Variants in KIAA0825 observed in about 807,000 individuals in gnomAD.
KIAA0825 encodes uncharacterized protein KIAA0825.
KIAA0825 carries 119 observed loss-of-function variants against 147.6 expected under a neutral mutation model. That is an observed-to-expected ratio of 0.81 (90% CI 0.69 to 0.94). The LOEUF is 0.94. Ranked by LOEUF, KIAA0825 falls within the 40% of genes least tolerant of loss-of-function variation. The probability of loss-of-function intolerance (pLI) is 0.00; values close to 1 mark genes in which losing one functional copy is unlikely to be tolerated. For synonymous variants in KIAA0825, 470 were observed against 518.1 expected (o/e 0.91, Z 1.26); for missense variants, 1,381 against 1,472.7 (o/e 0.94, Z 1.02).
chr5:94,339,333 G>A (rs1016149340), intron 20 of KIAA0825, among the ~76,000 whole-genome samples: 1 of 152,112 alleles, frequency 6.6e-6, no homozygotes, highest in African/African-American at 2.4e-5. Context: ...AGTATGATGA[G>A]TTGCTAAAAA....
chr5:94,156,438 G>A (rs1767037507), intron 20 of KIAA0825, among the ~76,000 whole-genome samples: 1 of 152,134 alleles, frequency 6.6e-6, no homozygotes, highest in South Asian at 2.1e-4. Flanking sequence ...ATGTAAAGGT[G>A]CTAATATTGT....
chr5:94,234,162 C>T (rs973215573), intron 20 of KIAA0825, among the ~76,000 whole-genome samples: 4 of 151,676 alleles, frequency 2.6e-5, no homozygotes, highest in Admixed American at 6.6e-5. Context: ...GTCAGGAGAT[C>T]GAGACCATCC....
chr5:94,528,788 CTT>C (rs371001404), intron 3 of KIAA0825, among the ~76,000 whole-genome samples: 1 of 146,508 alleles, frequency 6.8e-6, no homozygotes. Context: ...AAATGTGCTC[CTT>C]TTTTTTTTTT....
At chr5:94,383,305 T>C (rs1374424673) in intron 20 of KIAA0825, among the ~76,000 whole-genome samples, 1 of 152,242 alleles carries the variant, frequency 6.6e-6, no homozygotes. Flanking sequence ...ATCTAAGCTA[T>C]AGCTTTTATT....
At position 94,513,843 on chromosome 5, in the gene KIAA0825, G is replaced by GA. The variant is rs567064770; in HGVS notation, c.970+6404dup. 3.7e-3 allele frequency among the ~76,000 whole-genome samples: 488 copies of GA among 131,280 alleles called. 2 individuals carry two copies. The highest frequency in any genetic ancestry group is 9.5e-3 in the South Asian group (39 of 4,084). The allele number at this position is 131,280 out of a possible 152,430, so 86.1% of individuals were successfully genotyped here. On this transcript the variant is annotated intron_variant, in intron 5 of 20. Transcript: ENST00000682413. ...ATTCCTACCTTTAGTAGAAAGAATT[G>GA]AAAAAAAAAAAAGAACTTCCTTAGA...
At chr5:94,255,965 C>T (rs1776232909) in intron 20 of KIAA0825, among the ~76,000 whole-genome samples, 1 of 151,922 alleles carries the variant, frequency 6.6e-6, no homozygotes, top group African/African-American at 2.4e-5. Context: ...CTGCCTGCCT[C>T]AGCCTCCCAA....
intron 20 of KIAA0825, among the ~76,000 whole-genome samples, chr5:94,243,552 T>C (rs1025318579): frequency 6.6e-6 from 1 of 152,212 alleles, no homozygotes; most frequent in Non-Finnish European, 1.5e-5. Flanking sequence ...GTCATTACAC[T>C]AGAAGGGTTC....
chr5:94,160,684 C>T (rs1221112194), intron 20 of KIAA0825, among the ~76,000 whole-genome samples: 1 of 148,898 alleles, frequency 6.7e-6, no homozygotes, highest in Non-Finnish European at 1.5e-5. Context: ...TTACTATATA[C>T]ATGTATGTAT....
chr5:94,465,017 A>G lies in KIAA0825; in HGVS notation c.1915T>C (p.Cys639Arg), dbSNP rs1156902119. The G allele has an allele frequency of 6.4e-7, 1 of 1,551,604 alleles. No individual in the cohort carries two copies. Among genetic ancestry groups the G allele is most frequent in the African/African-American group, 1.4e-5 (1 of 73,072 alleles). The part of the protein sequence containing the change: ...SFSIQMWHYF[C>R]WSLHYDLWTI... ...CAGAGATCGTAATGAAGAGACCAGC[A>G]GAAATAATGCCACATCTGGATCGAG... Residue 639 changes from cysteine (C) to arginine (R), a missense_variant, in exon 11 of 21, where the codon TGC becomes CGC. Cys to Arg is a radical substitution (Grantham distance 180). Coordinates refer to ENST00000682413, the MANE Select transcript of KIAA0825 (RefSeq NM_001145678.3).
At chr5:94,551,929 CAAT>C (rs1256325457) in intron 2 of KIAA0825, among the ~76,000 whole-genome samples, 1 of 151,836 alleles carries the variant, frequency 6.6e-6, no homozygotes, top group African/African-American at 2.4e-5. Flanking sequence ...CCTCACTTAT[CAAT>C]AATAACCTTG....
chr5:94,543,795 C>T (rs778336551), intron 2 of KIAA0825, among the ~76,000 whole-genome samples: 12 of 152,138 alleles, frequency 7.9e-5, no homozygotes, highest in Non-Finnish European at 1.2e-4. Context: ...CCATCAAAAC[C>T]AAGATGGCCA....
At chr5:94,566,401 T>A (rs1778723386) in intron 2 of KIAA0825, among the ~76,000 whole-genome samples, 1 of 152,178 alleles carries the variant, frequency 6.6e-6, no homozygotes, top group African/African-American at 2.4e-5. Context: ...CACATATTAC[T>A]AACCAGTTAA....
intron 20 of KIAA0825, among the ~76,000 whole-genome samples, chr5:94,236,261 A>G (rs942310049): frequency 1.3e-5 from 2 of 152,244 alleles, no homozygotes; most frequent in African/African-American, 4.8e-5. Flanking sequence ...AACAATGAAC[A>G]GGAGTTTGGA....
At chr5:94,485,585 C>T (rs913502028) in intron 5 of KIAA0825, among the ~76,000 whole-genome samples, 14 of 151,564 alleles carry the variant, frequency 9.2e-5, no homozygotes, top group Non-Finnish European at 1.8e-4. Context: ...ATAAGAGTGT[C>T]TGCGGACTAT....
At chr5:94,424,625 C>T (rs1174500048) in intron 14 of KIAA0825, among the ~76,000 whole-genome samples, 1 of 151,898 alleles carries the variant, frequency 6.6e-6, no homozygotes, top group East Asian at 1.9e-4. Flanking sequence ...AAAACAAGAA[C>T]ACACATAACC....
At chr5:94,320,657 A>G (rs374174489) in intron 20 of KIAA0825, among the ~76,000 whole-genome samples, 2 of 152,096 alleles carry the variant, frequency 1.3e-5, no homozygotes, top group South Asian at 2.1e-4. Context: ...CTTGCTGTCT[A>G]TCTACCCCTC....
intron 1 of KIAA0825, chr5:94,594,877 T>TAA: frequency 4.0e-6 from 1 of 246,956 alleles, no homozygotes; most frequent in South Asian, 4.5e-5. Context: ...TAAAAAATAG[T>TAA]AGATAAAAAA....
At chr5:94,445,044 G>C (rs1757560560) in intron 13 of KIAA0825, among the ~76,000 whole-genome samples, 1 of 152,072 alleles carries the variant, frequency 6.6e-6, no homozygotes. Context: ...TCTAGCACCT[G>C]AATCACTAAG....
At chr5:94,343,750 C>G (rs1782689884) in intron 20 of KIAA0825, among the ~76,000 whole-genome samples, 1 of 152,044 alleles carries the variant, frequency 6.6e-6, no homozygotes, top group South Asian at 2.1e-4. Flanking sequence ...ACATTTGCAA[C>G]AAAAAGTTTG....
Sources: gnomAD v4.1 joint callset for allele counts (sites outside exome capture counted in the v4.1 genomes callset) on GRCh38, gnomAD v4.1.1 for gene constraint, MANE v1.5 for transcripts, NCBI Gene and HGNC (gene_info 2026-07-23, HGNC 2026-07-21) for gene names.